Variants in ALK observed in about 807,000 individuals in gnomAD.
ALK encodes the protein ALK tyrosine kinase receptor.
Under a neutral mutation model 163.1 loss-of-function variants are expected in ALK, and 74 were observed. That is an observed-to-expected ratio of 0.45 (90% CI 0.38 to 0.55). The LOEUF (loss-of-function observed/expected upper bound fraction) is 0.55, where lower values mean the gene tolerates loss of function less well. ALK is among the 20% of genes least tolerant of loss of function. The pLI, the probability that ALK is intolerant of heterozygous loss-of-function variation, is 0.00. For synonymous variants in ALK, 960 were observed against 843.2 expected (o/e 1.14, Z -2.40); for missense variants, 2,063 against 2,105.3 (o/e 0.98, Z 0.39).
chr2:29,680,344 T>C (rs901896601), intron 3 of ALK, among the ~76,000 whole-genome samples: 1 of 152,104 alleles, frequency 6.6e-6, no homozygotes, highest in Non-Finnish European at 1.5e-5. Flanking sequence ...TCCCAGAAGT[T>C]TCTTAGGATC....
At chr2:29,650,415 T>C (rs1348121197) in intron 3 of ALK, among the ~76,000 whole-genome samples, 1 of 152,100 alleles carries the variant, frequency 6.6e-6, no homozygotes, top group Non-Finnish European at 1.5e-5. Context: ...CAATATCACA[T>C]CAAGAAACTT....
At chr2:29,392,004 C>T (rs1558304486) in intron 4 of ALK, among the ~76,000 whole-genome samples, 1 of 151,582 alleles carries the variant, frequency 6.6e-6, no homozygotes, top group Non-Finnish European at 1.5e-5. Context: ...AGTTTGCACT[C>T]AATAAGCATT....
At chr2:29,811,906 A>C (rs546364611) in intron 1 of ALK, among the ~76,000 whole-genome samples, 1 of 152,326 alleles carries the variant, frequency 6.6e-6, no homozygotes, top group African/African-American at 2.4e-5. Context: ...TGGCAAAGCT[A>C]TGGCACAATT....
chr2:29,211,265 CCATAAAAG>C (rs1669459834), intron 24 of ALK, among the ~76,000 whole-genome samples: 2 of 152,158 alleles, frequency 1.3e-5, no homozygotes, highest in South Asian at 2.1e-4. Flanking sequence ...CCCCATAAAA[CCATAAAAG>C]CATAACACAT....
chr2:29,250,303 G>C (rs1411268440), intron 12 of ALK, among the ~76,000 whole-genome samples: 2 of 152,202 alleles, frequency 1.3e-5, no homozygotes, highest in Non-Finnish European at 2.9e-5. Context: ...GTCCTCATTT[G>C]TAAAACGAGG....
intron 7 of ALK, 63 bp downstream of exon 7, chr2:29,320,688 C>A (rs544946525): frequency 8.7e-6 from 14 of 1,608,464 alleles, no homozygotes; most frequent in Non-Finnish European, 1.1e-5. Context: ...AGCCCTGAGT[C>A]TCCCATCTGT....
chr2:29,260,075 T>A (rs961111776), intron 11 of ALK, among the ~76,000 whole-genome samples: 8 of 152,206 alleles, frequency 5.3e-5, no homozygotes, highest in African/African-American at 1.9e-4. Flanking sequence ...AAAAATTTCC[T>A]CTTTTTAACT....
At chr2:29,679,266 C>G (rs1677988764) in intron 3 of ALK, among the ~76,000 whole-genome samples, 2 of 151,792 alleles carry the variant, frequency 1.3e-5, no homozygotes, top group Non-Finnish European at 3.0e-5. Flanking sequence ...AAGTGTCCCT[C>G]TTCTAGAAAA....
intron 4 of ALK, among the ~76,000 whole-genome samples, chr2:29,435,702 C>T (rs1670379911): frequency 6.6e-6 from 1 of 151,942 alleles, no homozygotes; most frequent in African/African-American, 2.4e-5. Flanking sequence ...AAGCTTCTCC[C>T]TTATGCCAAT....
At chr2:29,531,320 C>T (rs892264290) in intron 4 of ALK, among the ~76,000 whole-genome samples, 11 of 151,926 alleles carry the variant, frequency 7.2e-5, no homozygotes, top group Non-Finnish European at 1.6e-4. Flanking sequence ...ATGTCACTAC[C>T]GCAGAGGCCT....
At chr2:29,559,947 T>C (rs1170712847) in intron 3 of ALK, among the ~76,000 whole-genome samples, 1 of 152,212 alleles carries the variant, frequency 6.6e-6, no homozygotes, top group Admixed American at 6.5e-5. Flanking sequence ...AATATGAATG[T>C]ATTAGAAGTA....
intron 1 of ALK, among the ~76,000 whole-genome samples, chr2:29,790,677 A>C (rs532221065): frequency 6.6e-6 from 1 of 152,176 alleles, no homozygotes; most frequent in South Asian, 2.1e-4. Context: ...TCTGCCTCCC[A>C]GGTTCAAGCA....
intron 3 of ALK, among the ~76,000 whole-genome samples, chr2:29,557,094 T>G (rs1036815961): frequency 2.6e-5 from 4 of 152,224 alleles, no homozygotes; most frequent in African/African-American, 9.6e-5. Context: ...TATATTTTGT[T>G]CTCTAGTACT....
At chr2:29,506,745 C>CAA (rs199967581) in intron 4 of ALK, among the ~76,000 whole-genome samples, 4 of 104,616 alleles carry the variant, frequency 3.8e-5, no homozygotes, top group African/African-American at 1.5e-4. Flanking sequence ...GACTCCGTCT[C>CAA]AAAAACAAAA....
chr2:29,724,536 C>A (rs538777053), intron 1 of ALK, among the ~76,000 whole-genome samples: 1 of 152,210 alleles, frequency 6.6e-6, no homozygotes, highest in African/African-American at 2.4e-5. Flanking sequence ...TTACATGACT[C>A]CTAGAGTTAG....
chr2:29,435,248 T>C (rs143373229), intron 4 of ALK, among the ~76,000 whole-genome samples: 1 of 152,246 alleles, frequency 6.6e-6, no homozygotes, highest in East Asian at 1.9e-4. Context: ...TGGCAAGTAT[T>C]TAAATAATTA....
chr2:29,368,968 C>G (rs944277618), intron 5 of ALK, among the ~76,000 whole-genome samples: 1 of 152,144 alleles, frequency 6.6e-6, no homozygotes, highest in Non-Finnish European at 1.5e-5. Flanking sequence ...AAACATACAT[C>G]AAAAAACCGC....
At chr2:29,621,097 A>G (rs1676022962) in intron 3 of ALK, among the ~76,000 whole-genome samples, 1 of 152,190 alleles carries the variant, frequency 6.6e-6, no homozygotes, top group Non-Finnish European at 1.5e-5. Flanking sequence ...GACTTTCCAA[A>G]GGAGGGGGAG....
intron 5 of ALK, among the ~76,000 whole-genome samples, chr2:29,374,517 T>A (rs1304742190): frequency 6.6e-6 from 1 of 152,018 alleles, no homozygotes; most frequent in Non-Finnish European, 1.5e-5. Context: ...TTAGCATCTA[T>A]TGAGTGAGAC....
Sources: gnomAD v4.1 joint callset for allele counts (sites outside exome capture counted in the v4.1 genomes callset) on GRCh38, gnomAD v4.1.1 for gene constraint, MANE v1.5 for transcripts, NCBI Gene and HGNC (gene_info 2026-07-23, HGNC 2026-07-21) for gene names.